FAR1: variants seen among roughly 807,000 people sequenced by gnomAD.
The protein encoded by FAR1 is male sterility domain-containing protein 2.
In FAR1, 22 loss-of-function variants were observed where a neutral mutation model predicts 61.1. That is an observed-to-expected ratio of 0.36 (90% CI 0.26 to 0.51). The LOEUF (loss-of-function observed/expected upper bound fraction) is 0.51. Among genes scored for constraint, FAR1 ranks in the 20% least tolerant of loss-of-function variants. The pLI is 0.95. For synonymous variants in FAR1, 206 were observed against 209.7 expected (o/e 0.98, Z 0.15); for missense variants, 359 against 626.9 (o/e 0.57, Z 4.56).
intron 1 of FAR1, among the ~76,000 whole-genome samples, chr11:13,674,233 C>T (rs770432585): frequency 3.3e-5 from 5 of 150,156 alleles, no homozygotes; most frequent in East Asian, 2.0e-4. Flanking sequence ...TGCTTGAACC[C>T]GGGAGGCAGA....
rs61253307 is a variant in FAR1, at chr11:13,708,447, GCACACA to G, written c.545+393_545+398del. Among the ~76,000 whole-genome samples, 587 of 136,714 alleles carry G rather than the reference GCACACA, an allele frequency of 4.3e-3. 2 individuals carry two copies. Among genetic ancestry groups the G allele is most frequent in the African/African-American group, 0.013 (456 of 36,230 alleles). 89.7% of individuals were successfully genotyped at this position (136,714 alleles called of 152,430 possible). ...CCCATATACATGTGCGCGCGCGCGC[GCACACA>G]CACACACACACACACACACACACAT... On this transcript the variant is annotated intron_variant, in intron 4 of 11. Coordinates refer to ENST00000354817, the MANE Select transcript of FAR1 (RefSeq NM_032228.6).
chr11:13,730,322 G>A lies in FAR1; in HGVS notation c.*1548G>A, dbSNP rs1334069288. ...GGAAATCACCTACTTTCATGCAGGT[G>A]TATAATCTTGAAAAGGAAAAATGCT... On this transcript the variant is annotated 3_prime_UTR_variant, in exon 12 of 12. Transcript: ENST00000354817. The A allele has an allele frequency of 2.0e-5, 3 of 152,436 alleles. No homozygotes were observed. The highest frequency in any genetic ancestry group is 7.2e-5 in the African/African-American group (3 of 41,416). The allele number at this position is 152,436 out of a possible 1,614,324, so 9.4% of individuals were successfully genotyped here.
chr11:13,677,136 A>G (rs552852168), intron 1 of FAR1, among the ~76,000 whole-genome samples: 1 of 152,326 alleles, frequency 6.6e-6, no homozygotes, highest in Admixed American at 6.5e-5. Context: ...TTAGCATGGT[A>G]ACTAGATTAT....
intron 7 of FAR1, 93 bp downstream of exon 7, chr11:13,712,139 G>A (rs1388967389): frequency 1.1e-6 from 1 of 885,974 alleles, no homozygotes; most frequent in African/African-American, 1.7e-5. Context: ...CCTCTATCCA[G>A]ATATTGCCAT....
chr11:13,680,983 T>C (rs994625029), intron 1 of FAR1, among the ~76,000 whole-genome samples: 8 of 152,236 alleles, frequency 5.3e-5, no homozygotes, highest in African/African-American at 1.7e-4. Flanking sequence ...TCGAGGCTTC[T>C]TCATAATCTA....
chr11:13,704,044 C>CAAAAAAA (rs55995847), intron 3 of FAR1, among the ~76,000 whole-genome samples: 2 of 79,628 alleles, frequency 2.5e-5, no homozygotes, highest in Non-Finnish European at 4.9e-5. Flanking sequence ...AACTCCGTCT[C>CAAAAAAA]AAAAAAAAAA....
At chr11:13,711,605 T>A (rs1170823992) in intron 5 of FAR1, among the ~76,000 whole-genome samples, 159 bp from the exon 6 acceptor site, 1 of 152,120 alleles carries the variant, frequency 6.6e-6, no homozygotes, top group Non-Finnish European at 1.5e-5. Context: ...CTGCTTCTGT[T>A]TGGGACTGGT....
At chr11:13,723,244 A>G in intron 10 of FAR1, 3 of 293,490 alleles carry the variant, frequency 1.0e-5, no homozygotes, top group Non-Finnish European at 1.3e-5. Flanking sequence ...ATGTGCCTGT[A>G]GTCCTAGCTA....
At chr11:13,683,050 T>C (rs1848145868) in intron 1 of FAR1, among the ~76,000 whole-genome samples, 1 of 152,206 alleles carries the variant, frequency 6.6e-6, no homozygotes, top group African/African-American at 2.4e-5. Flanking sequence ...ACTCCTACCA[T>C]ATGATCTTCC....
chr11:13,679,324 A>C (rs1179948060), intron 1 of FAR1, among the ~76,000 whole-genome samples: 2 of 152,214 alleles, frequency 1.3e-5, no homozygotes, highest in Non-Finnish European at 2.9e-5. Flanking sequence ...TTACCTAAAA[A>C]AAGAGTCATG....
chr11:13,683,358 A>G (rs1308571339), intron 1 of FAR1, among the ~76,000 whole-genome samples: 4 of 151,646 alleles, frequency 2.6e-5, no homozygotes, highest in South Asian at 2.1e-4. Context: ...ACACCACTGC[A>G]CTCCAGCCTG....
chr11:13,729,337 T>A lies in FAR1; in HGVS notation c.*563T>A, dbSNP rs1265559481. 4.0e-5 allele frequency: 6 copies of A among 150,620 alleles called. No homozygotes were observed. The highest frequency in any genetic ancestry group is 1.5e-4 in the African/African-American group (6 of 40,090). The allele number at this position is 150,620 out of a possible 1,614,324, so 9.3% of individuals were successfully genotyped here. A position where few individuals can be genotyped will look rare whatever the true frequency, so the allele number is the denominator to read the frequency against. On this transcript the variant is annotated 3_prime_UTR_variant, in exon 12 of 12. Transcript: ENST00000354817. The stretch of plus-strand genomic sequence containing the variant: ...AACATGAAAGAGATGTTCTCATTTT[T>A]CTTTTTCTGATTAAACGTCTGATGC...
intron 4 of FAR1, among the ~76,000 whole-genome samples, chr11:13,708,434 TGCGC>T (rs71485207): frequency 1.6e-3 from 219 of 134,420 alleles, no homozygotes; most frequent in African/African-American, 5.8e-3. Context: ...CATATACATG[TGCGC>T]GCGCGCGCGC....
intron 1 of FAR1, among the ~76,000 whole-genome samples, chr11:13,690,554 A>G (rs1218766851): frequency 6.6e-6 from 1 of 152,182 alleles, no homozygotes; most frequent in African/African-American, 2.4e-5. Flanking sequence ...ATAGTGTGAG[A>G]TAGAGTTCAA....
intron 1 of FAR1, chr11:13,685,542 T>G (rs562275595): frequency 4.6e-6 from 1 of 217,266 alleles, no homozygotes; most frequent in Non-Finnish European, 9.9e-6. Context: ...CCTTTTGGAG[T>G]TGTACCTGAT....
At chr11:13,695,697 C>G (rs1565344070) in intron 2 of FAR1, among the ~76,000 whole-genome samples, 1 of 152,142 alleles carries the variant, frequency 6.6e-6, no homozygotes, top group Non-Finnish European at 1.5e-5. Context: ...ATTTGAATAT[C>G]TACATTCGTA....
At chr11:13,724,234 C>G (rs1041515127) in intron 10 of FAR1, among the ~76,000 whole-genome samples, 2 of 151,926 alleles carry the variant, frequency 1.3e-5, no homozygotes, top group Non-Finnish European at 2.9e-5. Flanking sequence ...TAGCACAACT[C>G]AGATTAATGT....
intron 9 of FAR1, among the ~76,000 whole-genome samples, chr11:13,717,295 T>C (rs770065329): frequency 1.3e-5 from 2 of 152,094 alleles, no homozygotes; most frequent in African/African-American, 2.4e-5. Context: ...GTATAGTTCC[T>C]CAATAATTGA....
At chr11:13,692,408 G>T (rs1260361444) in intron 1 of FAR1, among the ~76,000 whole-genome samples, 1 of 152,096 alleles carries the variant, frequency 6.6e-6, no homozygotes, top group African/African-American at 2.4e-5. Flanking sequence ...CCTAGGAGTG[G>T]AATTGCTGGG....
Sources: gnomAD v4.1 joint callset for allele counts (sites outside exome capture counted in the v4.1 genomes callset) on GRCh38, gnomAD v4.1.1 for gene constraint, MANE v1.5 for transcripts, NCBI Gene and HGNC (gene_info 2026-07-23, HGNC 2026-07-21) for gene names.